TP63: variants seen among roughly 807,000 people sequenced by gnomAD.
TP63 encodes tumor protein 63.
Under a neutral mutation model 82.8 loss-of-function variants are expected in TP63, and 17 were observed. The ratio of observed to expected loss-of-function variants is 0.21; its 90% CI spans 0.14 to 0.31. The LOEUF (loss-of-function observed/expected upper bound fraction) is 0.31, where lower values mean the gene tolerates loss of function less well. Among genes scored for constraint, TP63 ranks in the 10% least tolerant of loss-of-function variants. The probability of loss-of-function intolerance (pLI) is 1.00; values close to 1 mark genes in which losing one functional copy is unlikely to be tolerated. For synonymous variants in TP63, 330 were observed against 321.7 expected, an observed-to-expected ratio of 1.03 and a Z score of -0.28; for missense variants, 648 against 895.3, an observed-to-expected ratio of 0.72 and a Z score of 3.52.
rs776520164 is a variant in TP63, at chr3:189,738,695, A to G, written c.245A>G (p.Glu82Gly). 2.5e-6 allele frequency: 4 copies of G among 1,614,056 alleles called. No individual in the cohort carries two copies. The highest frequency in any genetic ancestry group is 3.4e-6 in the Non-Finnish European group (4 of 1,180,022). The change falls in exon 3 of 14, where the codon GAA becomes GGA. Residue 82 changes from glutamate (E) to glycine (G), a missense_variant. Around this residue, in one of 5 missense-constraint regions of TP63, gnomAD observed 182 missense variants for 213.6 expected, o/e 0.85. Transcript: ENST00000264731. ...IDLNFVDEPS[E>G]DGATNKIEIS... ...TTGAACTTTGTGGATGAACCATCAG[A>G]AGATGGTGCGACAAACAAGATTGAG...
intron 3 of TP63, among the ~76,000 whole-genome samples, chr3:189,777,845 C>CTTCTT (rs1723928358): frequency 2.6e-5 from 1 of 37,752 alleles, no homozygotes; most frequent in Admixed American, 4.1e-4. Context: ...TCTTCTTCTT[C>CTTCTT]TTTTTTTTTT....
At chr3:189,855,870 AAG>A (rs1384215952) in intron 4 of TP63, among the ~76,000 whole-genome samples, 1 of 152,054 alleles carries the variant, frequency 6.6e-6, no homozygotes, top group African/African-American at 2.4e-5. Flanking sequence ...ATTGTAGAAA[AAG>A]AGAAGTTGGG....
chr3:189,612,935 G>A, the TP63 span, among the ~76,000 whole-genome samples: 5 of 152,208 alleles, frequency 3.3e-5, no homozygotes, highest in Non-Finnish European at 7.3e-5. Context: ...TTTCTAAGCA[G>A]CAAAGCATTC....
intron 6 of TP63, among the ~76,000 whole-genome samples, chr3:189,867,490 T>C (rs1448890787): frequency 1.3e-5 from 2 of 152,222 alleles, no homozygotes; most frequent in African/African-American, 4.8e-5. Context: ...CTACTGTTTT[T>C]GGCAATTATC....
At chr3:189,893,118 C>T (rs983560780) in intron 13 of TP63, among the ~76,000 whole-genome samples, 2 of 152,102 alleles carry the variant, frequency 1.3e-5, no homozygotes, top group Non-Finnish European at 2.9e-5. Context: ...TCATTAGTAT[C>T]CCCATAACAT....
chr3:189,675,945 CA>C (rs1338420206), intron 1 of TP63, among the ~76,000 whole-genome samples: 1 of 151,838 alleles, frequency 6.6e-6, no homozygotes, highest in Non-Finnish European at 1.5e-5. Context: ...GAGCCAGAAA[CA>C]CACACATTCA....
In TP63 at chr3:189,697,234, T is replaced by A. The variant is rs1397040141; in HGVS notation, c.63-40506T>A. Among the ~76,000 whole-genome samples, 265 of 93,442 alleles carry A rather than the reference T, an allele frequency of 2.8e-3. 1 individual carries two copies. The highest frequency in any genetic ancestry group is 0.01 in the African/African-American group (227 of 22,360). The allele number at this position is 93,442 out of a possible 152,430, so 61.3% of individuals were successfully genotyped here. A position where few individuals can be genotyped will look rare whatever the true frequency, so the allele number is the denominator to read the frequency against. ...ATGTAAGGTGTATGTCTAGGTTCAG[T>A]TTTTTTTTTTTTTTTGCATATGGAC... On this transcript the variant is annotated intron_variant, in intron 1 of 13. Transcript: ENST00000264731.
chr3:189,601,683 G>A, the TP63 span, among the ~76,000 whole-genome samples: 2 of 152,106 alleles, frequency 1.3e-5, no homozygotes, highest in Admixed American at 6.5e-5. Flanking sequence ...AACTTCAGAG[G>A]TGAAGAGGGT....
At chr3:189,775,920 A>G (rs1341639417) in intron 3 of TP63, among the ~76,000 whole-genome samples, 2 of 152,200 alleles carry the variant, frequency 1.3e-5, no homozygotes, top group African/African-American at 2.4e-5. Flanking sequence ...AGTTAAATGT[A>G]ATGAGTAATG....
intron 4 of TP63, among the ~76,000 whole-genome samples, chr3:189,810,639 C>T (rs1204731041): frequency 1.3e-5 from 2 of 151,914 alleles, no homozygotes; most frequent in African/African-American, 4.8e-5. Context: ...AGGCAGATCA[C>T]GAGGTCAGGA....
At chr3:189,735,336 TTCTTCC>T (rs1720502716) in intron 1 of TP63, among the ~76,000 whole-genome samples, 1 of 152,180 alleles carries the variant, frequency 6.6e-6, no homozygotes, top group Non-Finnish European at 1.5e-5. Context: ...TGGTCTATTT[TTCTTCC>T]TAGAGTTTAA....
chr3:189,792,895 A>T (rs1725303222), intron 3 of TP63, among the ~76,000 whole-genome samples: 2 of 152,086 alleles, frequency 1.3e-5, no homozygotes, highest in Non-Finnish European at 2.9e-5. Context: ...GTCTAGGGAA[A>T]AAAATCTGTC....
At chr3:189,771,287 AT>A (rs1217442451) in intron 3 of TP63, among the ~76,000 whole-genome samples, 1 of 104,992 alleles carries the variant, frequency 9.5e-6, no homozygotes, top group Non-Finnish European at 1.8e-5. Flanking sequence ...ATATATATAA[AT>A]ATATATTATA....
At chr3:189,782,249 G>A (rs1371626333) in intron 3 of TP63, among the ~76,000 whole-genome samples, 1 of 152,168 alleles carries the variant, frequency 6.6e-6, no homozygotes, top group Admixed American at 6.6e-5. Context: ...GTGAACTTGA[G>A]TGAATACTTA....
At chr3:189,600,582 T>C in the TP63 span, among the ~76,000 whole-genome samples, 2 of 152,178 alleles carry the variant, frequency 1.3e-5, no homozygotes, top group Non-Finnish European at 2.9e-5. Flanking sequence ...TAGCCAAGCT[T>C]CCAAATTCAT....
the TP63 span, among the ~76,000 whole-genome samples, chr3:189,625,890 T>C: frequency 6.6e-6 from 1 of 152,162 alleles, no homozygotes; most frequent in African/African-American, 2.4e-5. Context: ...GTATCAGGTT[T>C]GTCTGTTAAA....
chr3:189,761,811 TG>T (rs1390117667), intron 3 of TP63, among the ~76,000 whole-genome samples: 1 of 152,220 alleles, frequency 6.6e-6, no homozygotes, highest in Non-Finnish European at 1.5e-5. Context: ...TCCACATGGC[TG>T]GGGAGGCCTC....
At chr3:189,771,333 A>AATATAT (rs1560171675) in intron 3 of TP63, among the ~76,000 whole-genome samples, 23 of 123,530 alleles carry the variant, frequency 1.9e-4, no homozygotes, top group African/African-American at 7.9e-4. Flanking sequence ...TTTATATATA[A>AATATAT]TATATATTTA....
At chr3:189,690,126 A>T (rs1560112457) in intron 1 of TP63, among the ~76,000 whole-genome samples, 2 of 152,132 alleles carry the variant, frequency 1.3e-5, no homozygotes, top group Non-Finnish European at 2.9e-5. Context: ...CCTTGGGAAA[A>T]ATCGCTTTTT....
Sources: gnomAD v4.1 joint callset for allele counts (sites outside exome capture counted in the v4.1 genomes callset) on GRCh38, gnomAD v4.1.1 for gene constraint, gnomAD v4.1.1 regional missense constraint, MANE v1.5 for transcripts, NCBI Gene and HGNC (gene_info 2026-07-23, HGNC 2026-07-21) for gene names.